Variants in NEDD4L observed in about 807,000 individuals in gnomAD.
The protein encoded by NEDD4L is E3 ubiquitin-protein ligase NEDD4-like.
In NEDD4L, 54 loss-of-function variants were observed where a neutral mutation model predicts 148.9. The ratio of observed to expected loss-of-function variants is 0.36; its 90% CI spans 0.29 to 0.45. The LOEUF (loss-of-function observed/expected upper bound fraction) is 0.45. Ranked by LOEUF, NEDD4L falls within the 20% of genes least tolerant of loss-of-function variation. NEDD4L has a pLI of 1.00. For missense variants in NEDD4L, 856 were observed against 1,233.8 expected (o/e 0.69, Z 4.59); for synonymous variants, 433 against 440.7 (o/e 0.98, Z 0.22).
At chr18:58,276,691 A>ATTAT (rs1555783364) in intron 5 of NEDD4L, among the ~76,000 whole-genome samples, 20 of 89,704 alleles carry the variant, frequency 2.2e-4, no homozygotes, top group East Asian at 1.5e-3. Context: ...AATAATAATA[A>ATTAT]TAATATTATT....
In NEDD4L at chr18:58,320,978, GA is replaced by G. The variant is rs200882266; in HGVS notation, c.349-1443del. ...ATTACTGCCTCATAAGAACAGTCTA[GA>G]AAATATAATTTACTTCATTCAATGA... On this transcript the variant is annotated intron_variant, in intron 6 of 30. Transcript: ENST00000400345. Among the ~76,000 whole-genome samples the G allele has an allele frequency of 2.1e-4, 32 of 152,204 alleles. No individual in the cohort carries two copies. In the East Asian group the frequency reaches 5.6e-3, roughly 27 times the overall value.
At chr18:58,276,694 A>ATTATTATTATTAT (rs367992185) in intron 5 of NEDD4L, among the ~76,000 whole-genome samples, 70 of 97,830 alleles carry the variant, frequency 7.2e-4, no homozygotes, top group African/African-American at 2.7e-3. Context: ...AATAATAATA[A>ATTATTATTATTAT]TATTATTATT....
intron 24 of NEDD4L, among the ~76,000 whole-genome samples, chr18:58,380,303 T>G: frequency 6.7e-6 from 1 of 148,302 alleles, no homozygotes; most frequent in South Asian, 2.1e-4. Flanking sequence ...TTATTTTATT[T>G]ATTTATTTAT....
At chr18:58,370,570 T>G (rs952994143) in intron 23 of NEDD4L, 103 bp downstream of exon 23, 1 of 755,094 alleles carries the variant, frequency 1.3e-6, no homozygotes. Context: ...TTATGGGTGT[T>G]GCATTCCATG....
chr18:58,126,401 T>C (rs1196052472), intron 1 of NEDD4L, among the ~76,000 whole-genome samples: 1 of 152,246 alleles, frequency 6.6e-6, no homozygotes, highest in Non-Finnish European at 1.5e-5. Flanking sequence ...GGTCTTTTGC[T>C]TGGGACCCCT....
intron 2 of NEDD4L, among the ~76,000 whole-genome samples, chr18:58,189,295 C>T (rs562990477): frequency 6.6e-6 from 1 of 152,228 alleles, no homozygotes; most frequent in African/African-American, 2.4e-5. Flanking sequence ...ACTCCATAGC[C>T]CTGGTGTGCT....
intron 5 of NEDD4L, among the ~76,000 whole-genome samples, chr18:58,271,778 C>G (rs2051077079): frequency 6.6e-6 from 1 of 152,134 alleles, no homozygotes; most frequent in South Asian, 2.1e-4. Context: ...GTAGTTTTTC[C>G]TTAGCTGGTT....
chr18:58,296,702 A>G (rs941841379), intron 5 of NEDD4L, among the ~76,000 whole-genome samples: 1 of 152,026 alleles, frequency 6.6e-6, no homozygotes, highest in African/African-American at 2.4e-5. Flanking sequence ...CAGGTGGATC[A>G]CCTGAGGTCA....
rs2046085899 is a variant in NEDD4L at position 58,366,220 on chromosome 18, C to T, written c.2055C>T (p.Tyr685=). ...MFNPYYGLFE[Y]SATDNYTLQI... ...ACCCCTACTACGGCCTCTTTGAGTACTCTGCCACGTAAGTATATGGCCACA... is the reference window on the plus strand; with the variant it reads ...ACCCCTACTACGGCCTCTTTGAGTATTCTGCCACGTAAGTATATGGCCACA... The change falls in exon 21 of 31, where the codon TAC becomes TAT. Residue 685 remains tyrosine, a synonymous_variant. Transcript: ENST00000400345. This position sits in a 1 kb window ranked among gnomAD's most constrained non-coding sequence, Gnocchi z 4.2. 1 of 1,601,026 alleles carries T rather than the reference C, an allele frequency of 6.2e-7. No individual in the cohort carries two copies. Among genetic ancestry groups the T allele is most frequent in the Non-Finnish European group, 8.5e-7 (1 of 1,172,370 alleles).
intron 1 of NEDD4L, among the ~76,000 whole-genome samples, chr18:58,116,590 G>A (rs2085856573): frequency 6.6e-6 from 1 of 152,210 alleles, no homozygotes; most frequent in Non-Finnish European, 1.5e-5. Context: ...AAGCTCAAGG[G>A]ACTCAAGGGG....
intron 1 of NEDD4L, among the ~76,000 whole-genome samples, chr18:58,138,177 C>G (rs1486091561): frequency 6.6e-6 from 1 of 152,218 alleles, no homozygotes; most frequent in Non-Finnish European, 1.5e-5. Context: ...CTACTTTCTT[C>G]TAACCTATTT....
intron 6 of NEDD4L, 71 bp from the exon 7 acceptor site, chr18:58,322,354 C>G (rs1449468044): frequency 9.8e-7 from 1 of 1,021,844 alleles, no homozygotes; most frequent in East Asian, 2.6e-5. Context: ...TCTCTGTAAT[C>G]CAGTTGCCTG....
intron 15 of NEDD4L, among the ~76,000 whole-genome samples, chr18:58,342,540 T>C (rs960193898): frequency 3.3e-5 from 5 of 152,192 alleles, no homozygotes; most frequent in African/African-American, 1.2e-4. Flanking sequence ...TTTTTTCCTT[T>C]TTGTGCTCTA....
chr18:58,290,003 GAT>G (rs1335252945), intron 5 of NEDD4L, among the ~76,000 whole-genome samples: 1 of 152,168 alleles, frequency 6.6e-6, no homozygotes, highest in Non-Finnish European at 1.5e-5. Context: ...ATGAAAAAAT[GAT>G]ATGTTTAATA....
At chr18:58,285,005 A>G (rs1934438769) in intron 5 of NEDD4L, among the ~76,000 whole-genome samples, 1 of 152,196 alleles carries the variant, frequency 6.6e-6, no homozygotes, top group African/African-American at 2.4e-5. Context: ...TCTCTCATCT[A>G]CGTGCTCATA....
At chr18:58,190,748 G>A (rs553565410) in intron 2 of NEDD4L, among the ~76,000 whole-genome samples, 1 of 152,274 alleles carries the variant, frequency 6.6e-6, no homozygotes, top group South Asian at 2.1e-4. Flanking sequence ...CTTTGAGTGA[G>A]AACCTATGAT....
At chr18:58,072,861 C>T (rs1347814669) in intron 1 of NEDD4L, among the ~76,000 whole-genome samples, 4 of 115,806 alleles carry the variant, frequency 3.5e-5, no homozygotes, top group East Asian at 4.2e-4. Flanking sequence ...TCCTAAGGCG[C>T]GCGCGCGCGC....
chr18:58,256,909 C>G lies in NEDD4L; in HGVS notation c.297+4855C>G, dbSNP rs2048667812. ...AGGCCAGTGGATCTGAATGTTTGGC[C>G]GAGTTCTGGCACGATGATTTGTGGT... On this transcript the variant is annotated intron_variant, in intron 5 of 30. Transcript: ENST00000400345. This position sits in a 1 kb window ranked among gnomAD's most constrained non-coding sequence, Gnocchi z 5.2. 2 of 774,846 alleles carry G rather than the reference C, an allele frequency of 2.6e-6. No homozygotes were observed. Among genetic ancestry groups the G allele is most frequent in the Non-Finnish European group, 3.5e-6 (2 of 571,218 alleles). The allele number at this position is 774,846 out of a possible 1,614,324, so 48.0% of individuals were successfully genotyped here.
At chr18:58,145,837 C>T (rs2034043332) in intron 1 of NEDD4L, among the ~76,000 whole-genome samples, 1 of 152,200 alleles carries the variant, frequency 6.6e-6, no homozygotes, top group Admixed American at 6.5e-5. Context: ...CACATTTTCA[C>T]CAGTTCTGGG....
Sources: allele counts gnomAD v4.1 joint callset (sites outside exome capture counted in the v4.1 genomes callset), GRCh38; gene constraint gnomAD v4.1.1; non-coding constraint Gnocchi (gnomAD v3.1); transcripts MANE v1.5; gene names NCBI Gene and HGNC (gene_info 2026-07-23, HGNC 2026-07-21).